The following ZNF438 variants were observed in gnomAD, a reference collection of about 807,000 sequenced individuals.
ZNF438 encodes the protein zinc finger protein 438.
Under a neutral mutation model 38.0 loss-of-function variants are expected in ZNF438, and 25 were observed. That is an observed-to-expected ratio of 0.66 (90% CI 0.48 to 0.92). The LOEUF is 0.92. Among genes scored for constraint, ZNF438 ranks in the 40% least tolerant of loss-of-function variants. ZNF438 has a pLI of 0.00. For missense variants in ZNF438, 1,007 were observed against 999.6 expected (o/e 1.01, Z -0.10); for synonymous variants, 372 against 364.1 (o/e 1.02, Z -0.25).
At chr10:30,968,140 T>G (rs1268671140) in intron 1 of ZNF438, among the ~76,000 whole-genome samples, 3 of 152,144 alleles carry the variant, frequency 2.0e-5, no homozygotes, top group Non-Finnish European at 4.4e-5. Context: ...TACCCAACAG[T>G]GCCCTAAGTA....
chr10:30,849,852 C>T, exon 5 of ZNF438: 1 of 1,614,084 alleles, frequency 6.2e-7, no homozygotes. Context: ...CTGGCTGGGG[C>T]TTGCTCTAGT....
chr10:30,984,735 T>C (rs537145354), intron 1 of ZNF438, among the ~76,000 whole-genome samples: 89 of 152,314 alleles, frequency 5.8e-4, no homozygotes, highest in African/African-American at 2.0e-3. Flanking sequence ...TGCATAATAC[T>C]GTGGAAATTA....
chr10:30,955,989 A>G (rs547710922), intron 1 of ZNF438, among the ~76,000 whole-genome samples: 1 of 152,318 alleles, frequency 6.6e-6, no homozygotes, highest in East Asian at 1.9e-4. Flanking sequence ...ATTCTAAAAC[A>G]AACAATTTTT....
At chr10:30,890,263 T>C (rs1162290254) in intron 3 of ZNF438, among the ~76,000 whole-genome samples, 4 of 152,246 alleles carry the variant, frequency 2.6e-5, no homozygotes, top group Middle Eastern at 3.2e-3. Context: ...AGATTAAGAA[T>C]GTTTAAGAGG....
chr10:30,945,143 A>G (rs2047240969), intron 1 of ZNF438, among the ~76,000 whole-genome samples: 2 of 151,650 alleles, frequency 1.3e-5, no homozygotes, highest in African/African-American at 4.8e-5. Context: ...TAATAGCTTT[A>G]TCTATTTCTC....
intron 4 of ZNF438, among the ~76,000 whole-genome samples, chr10:30,871,759 T>C (rs1012130240): frequency 1.3e-5 from 2 of 152,174 alleles, no homozygotes; most frequent in Non-Finnish European, 2.9e-5. Flanking sequence ...GATTCAAATA[T>C]GAATTCACAT....
chr10:30,924,763 T>C (rs2044716907), intron 2 of ZNF438, among the ~76,000 whole-genome samples: 1 of 152,182 alleles, frequency 6.6e-6, no homozygotes, highest in East Asian at 1.9e-4. Context: ...AGAAACTGCC[T>C]TAAATTGGTT....
intron 4 of ZNF438, among the ~76,000 whole-genome samples, chr10:30,854,700 T>C (rs1400758467): frequency 6.6e-6 from 1 of 152,100 alleles, no homozygotes; most frequent in African/African-American, 2.4e-5. Flanking sequence ...CAAAAGAGAA[T>C]GGTAAATTAT....
intron 1 of ZNF438, among the ~76,000 whole-genome samples, chr10:30,947,526 G>T (rs1279842306): frequency 6.6e-6 from 1 of 152,388 alleles, no homozygotes; most frequent in African/African-American, 2.4e-5. Flanking sequence ...AGGGAGGCAG[G>T]CCTCCTTGAG....
At chr10:31,020,114 T>C (rs1161283183) in intron 1 of ZNF438, among the ~76,000 whole-genome samples, 1 of 152,150 alleles carries the variant, frequency 6.6e-6, no homozygotes. Flanking sequence ...GAAAAACACA[T>C]TTCAAATCCA....
intron 2 of ZNF438, among the ~76,000 whole-genome samples, chr10:30,909,490 C>T (rs2134506240): frequency 6.6e-6 from 1 of 152,180 alleles, no homozygotes; most frequent in African/African-American, 2.4e-5. Context: ...AAATATAGAA[C>T]CCAAAATCCA....
chr10:30,993,633 G>T (rs2053739305), intron 1 of ZNF438, among the ~76,000 whole-genome samples: 1 of 152,250 alleles, frequency 6.6e-6, no homozygotes, highest in Non-Finnish European at 1.5e-5. Context: ...CCCTCGTAGG[G>T]CAATGCCTAG....
chr10:30,946,064 G>A (rs2047372894), intron 1 of ZNF438, among the ~76,000 whole-genome samples: 1 of 147,824 alleles, frequency 6.8e-6, no homozygotes, highest in Non-Finnish European at 1.5e-5. Context: ...TCCAGCACCT[G>A]TTGTTTCCTG....
At position 30,941,611 on chromosome 10, in the gene ZNF438, T is replaced by C. The variant is rs1285070263; in HGVS notation, c.-151A>G. ...TGACTTAGCAAATGTCTTCTAACTT[T>C]AACACTTCAGTACTGGATGGGAAAT... On this transcript the variant is annotated 5_prime_UTR_variant, in exon 2 of 6. An upstream open reading frame in the 5' UTR loses its in-frame stop. Transcript: ENST00000413025. 6.6e-6 allele frequency: 1 copy of C among 152,186 alleles called. No homozygotes were observed. The highest frequency in any genetic ancestry group is 1.5e-5 in the Non-Finnish European group (1 of 68,026). 9.4% of individuals were successfully genotyped at this position (152,186 alleles called of 1,614,324 possible).
intron 1 of ZNF438, among the ~76,000 whole-genome samples, chr10:30,986,663 T>C (rs1013276415): frequency 1.3e-5 from 2 of 152,178 alleles, no homozygotes; most frequent in East Asian, 3.8e-4. Context: ...TTTGAAACAT[T>C]TGCATTATAT....
At chr10:30,847,967 G>C (rs1243142866) in intron 5 of ZNF438, among the ~76,000 whole-genome samples, 1 of 152,200 alleles carries the variant, frequency 6.6e-6, no homozygotes, top group Non-Finnish European at 1.5e-5. Flanking sequence ...GAGCCTAATG[G>C]GCCAGAGCAA....
intron 4 of ZNF438, among the ~76,000 whole-genome samples, chr10:30,855,228 G>C (rs2034411701): frequency 6.6e-6 from 1 of 152,198 alleles, no homozygotes; most frequent in South Asian, 2.1e-4. Context: ...CTCTGTCCTG[G>C]CTGCGAGAGC....
chr10:31,003,116 C>T (rs1270777309), intron 1 of ZNF438, among the ~76,000 whole-genome samples: 1 of 152,100 alleles, frequency 6.6e-6, no homozygotes, highest in African/African-American at 2.4e-5. Flanking sequence ...TTAGATGTCA[C>T]AATGAGAGAG....
intron 1 of ZNF438, among the ~76,000 whole-genome samples, chr10:31,007,272 T>C (rs2055227823): frequency 6.8e-6 from 1 of 148,066 alleles, no homozygotes; most frequent in African/African-American, 2.6e-5. Context: ...AAGGTTTTTT[T>C]GGTGTTTTTT....
Sources: allele counts gnomAD v4.1 joint callset (sites outside exome capture counted in the v4.1 genomes callset), GRCh38; gene constraint gnomAD v4.1.1; transcripts MANE v1.5; gene names NCBI Gene and HGNC (gene_info 2026-07-23, HGNC 2026-07-21).